CCSER1: variants seen among roughly 807,000 people sequenced by gnomAD.
The protein encoded by CCSER1 is coiled-coil serine rich protein 1.
In CCSER1, 41 loss-of-function variants were observed where a neutral mutation model predicts 82.0. That is an observed-to-expected ratio of 0.50 (90% CI 0.39 to 0.65). The LOEUF (loss-of-function observed/expected upper bound fraction) is 0.65, where lower values mean the gene tolerates loss of function less well. CCSER1 is among the 30% of genes least tolerant of loss of function. The probability of loss-of-function intolerance (pLI) is 0.00; values close to 1 mark genes in which losing one functional copy is unlikely to be tolerated. For missense variants in CCSER1, 1,119 were observed against 1,064.2 expected (o/e 1.05, Z -0.72); for synonymous variants, 414 against 383.9 (o/e 1.08, Z -0.92).
chr4:90,627,621 T>C (rs1226534885), intron 5 of CCSER1, among the ~76,000 whole-genome samples: 2 of 152,118 alleles, frequency 1.3e-5, no homozygotes, highest in African/African-American at 4.8e-5. Context: ...TCATTGAATC[T>C]TACCACTAAA....
chr4:91,396,536 G>A (rs570855286), intron 10 of CCSER1, among the ~76,000 whole-genome samples: 7 of 152,174 alleles, frequency 4.6e-5, no homozygotes, highest in African/African-American at 1.7e-4. Flanking sequence ...GATCAAATTA[G>A]GAGAGCATCT....
chr4:91,385,979 C>CAT (rs1271628559), intron 10 of CCSER1, among the ~76,000 whole-genome samples: 7 of 151,810 alleles, frequency 4.6e-5, no homozygotes, highest in Admixed American at 4.6e-4. Flanking sequence ...CACACACATA[C>CAT]ATATATATGT....
chr4:90,439,154 G>A (rs1370814628), intron 4 of CCSER1, among the ~76,000 whole-genome samples: 2 of 151,912 alleles, frequency 1.3e-5, no homozygotes, highest in African/African-American at 4.8e-5. Flanking sequence ...TTAGTCAGTC[G>A]TGGGCACCTG....
intron 5 of CCSER1, among the ~76,000 whole-genome samples, chr4:90,554,978 G>A (rs548931637): frequency 4.5e-4 from 69 of 152,086 alleles, no homozygotes; most frequent in South Asian, 8.3e-4. Flanking sequence ...TAAACACTTC[G>A]GTTACATCAA....
At chr4:90,327,043 C>T (rs1302593318) in intron 3 of CCSER1, among the ~76,000 whole-genome samples, 4 of 152,076 alleles carry the variant, frequency 2.6e-5, no homozygotes, top group Admixed American at 6.5e-5. Flanking sequence ...CTAGTGAAAA[C>T]CCTTCAGTTT....
intron 6 of CCSER1, among the ~76,000 whole-genome samples, chr4:90,642,862 A>AATAC (rs35839259): frequency 0.069 from 10,379 of 151,168 alleles, 418 homozygotes; most frequent in South Asian, 0.12. Flanking sequence ...CTCAAAAATA[A>AATAC]ATACATACAT....
At chr4:91,061,281 TAAAA>T (rs111414881) in intron 9 of CCSER1, among the ~76,000 whole-genome samples, 1 of 145,090 alleles carries the variant, frequency 6.9e-6, no homozygotes, top group Non-Finnish European at 1.5e-5. Flanking sequence ...AAATGCAAAT[TAAAA>T]AAAAAAAGAA....
intron 10 of CCSER1, among the ~76,000 whole-genome samples, chr4:91,387,051 C>A (rs1056962273): frequency 2.6e-5 from 4 of 151,834 alleles, no homozygotes; most frequent in Non-Finnish European, 2.9e-5. Context: ...AAATTAAGAT[C>A]ATTCATAAAA....
chr4:90,480,758 C>A (rs977099669), intron 5 of CCSER1, among the ~76,000 whole-genome samples: 13 of 152,116 alleles, frequency 8.5e-5, no homozygotes, highest in Admixed American at 2.0e-4. Context: ...GGTACCAGTA[C>A]CATGCTGTTT....
chr4:90,318,531 T>A (rs1736564225), intron 3 of CCSER1, among the ~76,000 whole-genome samples: 1 of 152,174 alleles, frequency 6.6e-6, no homozygotes, highest in African/African-American at 2.4e-5. Context: ...TGTAGGACTT[T>A]GGTAGAAGAA....
intron 10 of CCSER1, among the ~76,000 whole-genome samples, chr4:91,312,224 TACAA>T (rs1383451103): frequency 6.6e-6 from 1 of 151,760 alleles, no homozygotes; most frequent in Non-Finnish European, 1.5e-5. Flanking sequence ...ATGACTAGAT[TACAA>T]GAGTTATAAT....
At chr4:91,085,795 G>C (rs534590332) in intron 9 of CCSER1, among the ~76,000 whole-genome samples, 155 bp from the exon 10 acceptor site, 1 of 152,130 alleles carries the variant, frequency 6.6e-6, no homozygotes, top group South Asian at 2.1e-4. Flanking sequence ...CACACACATA[G>C]ACACATACAC....
intron 8 of CCSER1, among the ~76,000 whole-genome samples, chr4:90,905,726 A>T (rs1725372714): frequency 6.6e-6 from 1 of 152,104 alleles, no homozygotes; most frequent in South Asian, 2.1e-4. Context: ...ATGTCATGAG[A>T]GCATTGTGTG....
At chr4:90,933,018 A>AAGAAAGAAAGAAAG (rs1730331545) in intron 9 of CCSER1, among the ~76,000 whole-genome samples, 2 of 88,286 alleles carry the variant, frequency 2.3e-5, no homozygotes, top group Admixed American at 1.2e-4. Context: ...GAAAGAAAGA[A>AAGAAAGAAAGAAAG]AGAAAGAAAG....
intron 10 of CCSER1, among the ~76,000 whole-genome samples, chr4:91,139,182 C>T (rs769211282): frequency 1.3e-5 from 2 of 152,116 alleles, no homozygotes; most frequent in African/African-American, 4.8e-5. Context: ...TGAATTCCTG[C>T]TGAATCCATG....
chr4:90,276,354 T>C (rs1460024608), intron 1 of CCSER1, among the ~76,000 whole-genome samples: 8 of 147,384 alleles, frequency 5.4e-5, no homozygotes, highest in African/African-American at 7.6e-5. Flanking sequence ...CTTTCTTTTT[T>C]TTTTTTTTTG....
At chr4:91,191,205 C>T (rs925593193) in intron 10 of CCSER1, among the ~76,000 whole-genome samples, 3 of 152,140 alleles carry the variant, frequency 2.0e-5, no homozygotes, top group Non-Finnish European at 2.9e-5. Context: ...ACTGCCTTAC[C>T]TGTGCTCTGA....
intron 10 of CCSER1, among the ~76,000 whole-genome samples, chr4:91,328,844 G>A (rs6532296): frequency 0.68 from 103,488 of 151,642 alleles, 35,454 homozygotes; most frequent in Middle Eastern, 0.74. Context: ...ATGGGACCAC[G>A]TAGAGATAGT....
At chr4:91,533,294 G>A (rs543001393) in intron 10 of CCSER1, among the ~76,000 whole-genome samples, 5 of 152,030 alleles carry the variant, frequency 3.3e-5, no homozygotes, top group Admixed American at 1.3e-4. Context: ...AATGTCTTCC[G>A]ACCTTACAGT....
Sources: gnomAD v4.1 joint callset for allele counts (sites outside exome capture counted in the v4.1 genomes callset) on GRCh38, gnomAD v4.1.1 for gene constraint, MANE v1.5 for transcripts, NCBI Gene and HGNC (gene_info 2026-07-23, HGNC 2026-07-21) for gene names.